TANGO6: variants seen among roughly 807,000 people sequenced by gnomAD.
TANGO6 encodes transport and Golgi organization protein 6 homolog.
In TANGO6, 90 loss-of-function variants were observed where a neutral mutation model predicts 114.2. That is an observed-to-expected ratio of 0.79 (90% CI 0.66 to 0.94). TANGO6 has a LOEUF of 0.94. Ranked by LOEUF, TANGO6 falls within the 40% of genes least tolerant of loss-of-function variation. TANGO6 has a pLI of 0.00. For synonymous variants in TANGO6, 477 were observed against 509.8 expected, an observed-to-expected ratio of 0.94 and a Z score of 0.87; for missense variants, 1,274 against 1,315.3, an observed-to-expected ratio of 0.97 and a Z score of 0.49.
chr16:69,084,316 G>C lies in TANGO6; in HGVS notation c.*655G>C, dbSNP rs1036207620. On this transcript the variant is annotated 3_prime_UTR_variant, in exon 18 of 18. Coordinates refer to ENST00000261778, the MANE Select transcript of TANGO6 (RefSeq NM_024562.2). Reference sequence around the variant, plus strand: ...ACAATCAAGCTGGTTGACTCTTCCAGAGAAGAAGGGTAAGCCCTGTATTTA... The same window carrying C: ...ACAATCAAGCTGGTTGACTCTTCCACAGAAGAAGGGTAAGCCCTGTATTTA... 3 of 152,342 alleles carry C rather than the reference G, an allele frequency of 2.0e-5. No individual in the cohort carries two copies. Among genetic ancestry groups the C allele is most frequent in the Non-Finnish European group, 2.9e-5 (2 of 68,060 alleles). 9.4% of individuals were successfully genotyped at this position (152,342 alleles called of 1,614,324 possible).
In TANGO6 at chr16:68,981,210, C is replaced by CTTT. The variant is rs553789256; in HGVS notation, c.2842+7061_2842+7063dup. ...GTCATTGCATTTCTTTTTTCTTTTC[C>CTTT]TTTTTTTTTTTTTTTTTTTTTGCGG... On this transcript the variant is annotated intron_variant, in intron 15 of 17. Transcript: ENST00000261778. 1.5e-3 allele frequency among the ~76,000 whole-genome samples: 167 copies of CTTT among 111,006 alleles called. 3 individuals are homozygous for CTTT. The highest frequency in any genetic ancestry group is 2.9e-3 in the African/African-American group (78 of 27,204). 72.8% of individuals were successfully genotyped at this position (111,006 alleles called of 152,430 possible). A position where few individuals can be genotyped will look rare whatever the true frequency, so the allele number is the denominator to read the frequency against.
At chr16:69,022,759 T>C in intron 15 of TANGO6, 69 bp from the exon 16 acceptor site, 1 of 1,485,548 alleles carries the variant, frequency 6.7e-7, no homozygotes. Context: ...TATGGAAATA[T>C]AATTCTTCCT....
intron 15 of TANGO6, among the ~76,000 whole-genome samples, chr16:68,993,476 T>C (rs1376666546): frequency 2.0e-5 from 3 of 152,202 alleles, no homozygotes; most frequent in Non-Finnish European, 1.5e-5. Context: ...TGCAAGAGAG[T>C]AAACCAACAG....
chr16:68,860,964 A>T (rs1962083922), intron 2 of TANGO6, among the ~76,000 whole-genome samples: 1 of 152,210 alleles, frequency 6.6e-6, no homozygotes, highest in Admixed American at 6.5e-5. Context: ...GAAATAACAC[A>T]TATAGAGCAC....
At chr16:68,890,780 G>A (rs867099646) in intron 7 of TANGO6, among the ~76,000 whole-genome samples, 5 of 152,106 alleles carry the variant, frequency 3.3e-5, no homozygotes, top group Non-Finnish European at 7.3e-5. Flanking sequence ...CAGCACTTTG[G>A]GAGGCCAAGG....
chr16:68,907,804 G>T (rs1962872979), intron 10 of TANGO6, among the ~76,000 whole-genome samples: 1 of 152,082 alleles, frequency 6.6e-6, no homozygotes, highest in South Asian at 2.1e-4. Context: ...CAAGTAATCG[G>T]CACTGACAGT....
intron 16 of TANGO6, among the ~76,000 whole-genome samples, chr16:69,028,993 C>T (rs1959550727): frequency 6.6e-6 from 1 of 152,062 alleles, no homozygotes; most frequent in South Asian, 2.1e-4. Flanking sequence ...CTGAACAATA[C>T]CTGAATATCA....
intron 12 of TANGO6, among the ~76,000 whole-genome samples, chr16:68,923,228 G>A (rs1023753951): frequency 6.6e-6 from 1 of 151,790 alleles, no homozygotes; most frequent in Non-Finnish European, 1.5e-5. Flanking sequence ...AAAGCGCCGG[G>A]ATTACAGGCA....
At chr16:68,974,790 G>A (rs898868352) in intron 15 of TANGO6, among the ~76,000 whole-genome samples, 2 of 152,012 alleles carry the variant, frequency 1.3e-5, no homozygotes, top group Non-Finnish European at 2.9e-5. Context: ...GAAGAGGAAT[G>A]TCAGCTGGGC....
Position 68,914,470 on chromosome 16 carries a change from A to T in TANGO6, c.1993-4615A>T, listed in dbSNP as rs548323754. On this transcript the variant is annotated intron_variant, in intron 11 of 17. Coordinates refer to ENST00000261778, the MANE Select transcript of TANGO6 (RefSeq NM_024562.2). ...ACCCACCGCGCCTGGACTTAATGTTATTAACAAACTAAACAGTTTATTATT... is the reference window on the plus strand; with the variant it reads ...ACCCACCGCGCCTGGACTTAATGTTTTTAACAAACTAAACAGTTTATTATT... Among the ~76,000 whole-genome samples, 4 of 152,336 alleles carry T rather than the reference A, an allele frequency of 2.6e-5. No individual in the cohort carries two copies. In the South Asian group the frequency reaches 8.3e-4, roughly 32 times the overall value.
chr16:68,924,821 C>T (rs548771415), intron 12 of TANGO6, among the ~76,000 whole-genome samples: 1 of 151,730 alleles, frequency 6.6e-6, no homozygotes, highest in Admixed American at 6.6e-5. Flanking sequence ...AAACTCCTCA[C>T]ATAGCTGCTG....
In TANGO6 at chr16:69,022,888, A is replaced by T. The variant is rs1198058378; in HGVS notation, c.2903A>T (p.Asp968Val). ...CATACCTTCCTGAGGGGAGTGAGAG[A>T]TCCTGATGGTGCTCACAGGGCCAGC... ...LIHTFLRGVR[D>V]PDGAHRASSL... is the part of the protein sequence containing the mutation. Residue 968 changes from aspartate (D) to valine (V), a missense_variant, in exon 16 of 18, where the codon GAT becomes GTT. Around this residue, in one of 5 missense-constraint regions of TANGO6, gnomAD observed 238 missense variants for 252.9 expected, o/e 0.94. Transcript: ENST00000261778. 1 of 1,597,234 alleles carries T rather than the reference A, an allele frequency of 6.3e-7. No individual in the cohort carries two copies. Among genetic ancestry groups the T allele is most frequent in the Admixed American group, 1.8e-5 (1 of 56,920 alleles).
At chr16:69,061,758 G>A (rs1010905483) in intron 17 of TANGO6, among the ~76,000 whole-genome samples, 1 of 152,012 alleles carries the variant, frequency 6.6e-6, no homozygotes, top group Non-Finnish European at 1.5e-5. Flanking sequence ...GGTGGCTCAC[G>A]CCTGTAATCC....
rs765404996 is a variant in TANGO6 at position 68,843,706 on chromosome 16, C to G, written c.89C>G (p.Pro30Arg). The part of the protein sequence containing the change: ...ILEALKLLLS[P>R]GGSGSSSLQV... Reference sequence around the variant, plus strand: ...GAGGCATTGAAGCTGCTGCTGAGCCCGGGAGGTGAGAGGACGCATCTCCGC... The same window carrying G: ...GAGGCATTGAAGCTGCTGCTGAGCCGGGGAGGTGAGAGGACGCATCTCCGC... The change falls in exon 1 of 18, where the codon CCG (proline) becomes CGG (arginine). Residue 30 changes from proline (P) to arginine (R), a missense_variant. Coordinates refer to ENST00000261778, the MANE Select transcript of TANGO6 (RefSeq NM_024562.2). The G allele has an allele frequency of 6.2e-7, 1 of 1,613,486 alleles. No individual in the cohort carries two copies. The highest frequency in any genetic ancestry group is 8.5e-7 in the Non-Finnish European group (1 of 1,179,622).
intron 14 of TANGO6, among the ~76,000 whole-genome samples, chr16:68,954,005 C>T (rs1187982134): frequency 2.6e-5 from 4 of 151,616 alleles, no homozygotes; most frequent in Admixed American, 6.6e-5. Context: ...TTTCGGAGGC[C>T]GAGGTGGGCG....
chr16:68,887,192 T>A (rs1284574205), intron 7 of TANGO6, among the ~76,000 whole-genome samples: 1 of 152,244 alleles, frequency 6.6e-6, no homozygotes, highest in Non-Finnish European at 1.5e-5. Context: ...TAGTCTGCTG[T>A]CTTTCTTTGG....
chr16:68,892,018 A>C (rs906865064), intron 7 of TANGO6, among the ~76,000 whole-genome samples: 1 of 152,160 alleles, frequency 6.6e-6, no homozygotes, highest in African/African-American at 2.4e-5. Context: ...TCCCCACAAA[A>C]ATAGAGCTTT....
At chr16:68,881,937 A>G (rs1313832172) in intron 7 of TANGO6, among the ~76,000 whole-genome samples, 1 of 152,158 alleles carries the variant, frequency 6.6e-6, no homozygotes, top group Non-Finnish European at 1.5e-5. Context: ...ACTTGAGGCC[A>G]GGAGTTCAAG....
At chr16:69,079,557 T>C (rs1056066054) in intron 17 of TANGO6, among the ~76,000 whole-genome samples, 2 of 150,724 alleles carry the variant, frequency 1.3e-5, no homozygotes, top group Non-Finnish European at 3.0e-5. Flanking sequence ...TTGCAACTCA[T>C]ATGACAGATA....
Sources: allele counts gnomAD v4.1 joint callset (sites outside exome capture counted in the v4.1 genomes callset), GRCh38; gene constraint gnomAD v4.1.1; regional missense constraint gnomAD v4.1.1; transcripts MANE v1.5; gene names NCBI Gene and HGNC (gene_info 2026-07-23, HGNC 2026-07-21).